Variants in ARHGAP17 observed in about 807,000 individuals in gnomAD.
ARHGAP17 encodes the protein rho GTPase-activating protein 17.
A neutral mutation model predicts 99.5 loss-of-function variants in ARHGAP17; 57 were observed. That is an observed-to-expected ratio of 0.57 (90% CI 0.46 to 0.71). The LOEUF is 0.71. ARHGAP17 is among the 30% of genes least tolerant of loss of function. ARHGAP17 has a pLI of 0.00. For synonymous variants in ARHGAP17, 417 were observed against 429.6 expected (o/e 0.97, Z 0.36); for missense variants, 1,000 against 1,122.4 (o/e 0.89, Z 1.56).
intron 6 of ARHGAP17, among the ~76,000 whole-genome samples, chr16:24,966,712 A>C (rs1305016837): frequency 6.6e-6 from 1 of 151,882 alleles, no homozygotes; most frequent in Non-Finnish European, 1.5e-5. Context: ...TGAGCCCAGG[A>C]GTTTGAGGTT....
At chr16:24,965,424 C>A (rs1189800004) in intron 6 of ARHGAP17, among the ~76,000 whole-genome samples, 1 of 152,178 alleles carries the variant, frequency 6.6e-6, no homozygotes, top group East Asian at 1.9e-4. Flanking sequence ...GAGCCCAGAC[C>A]AAGATCGCAA....
chr16:24,974,589 T>C (rs1434106972), intron 3 of ARHGAP17, among the ~76,000 whole-genome samples: 4 of 147,768 alleles, frequency 2.7e-5, no homozygotes, highest in Non-Finnish European at 3.0e-5. Context: ...TGAGCCAAGA[T>C]TTTTTTTTTT....
chr16:25,012,830 C>G (rs1367751658), intron 1 of ARHGAP17, among the ~76,000 whole-genome samples: 3 of 152,186 alleles, frequency 2.0e-5, no homozygotes, highest in Non-Finnish European at 4.4e-5. Flanking sequence ...TTTTTAAAGA[C>G]AGTCAAAGGT....
intron 19 of ARHGAP17, among the ~76,000 whole-genome samples, chr16:24,925,042 T>C (rs1248110146): frequency 1.3e-5 from 2 of 152,090 alleles, no homozygotes; most frequent in Admixed American, 6.6e-5. Flanking sequence ...CACCCAAGGA[T>C]ATACACAACT....
chr16:24,921,668 T>A (rs973210755), intron 19 of ARHGAP17, among the ~76,000 whole-genome samples: 1 of 152,174 alleles, frequency 6.6e-6, no homozygotes, highest in Non-Finnish European at 1.5e-5. Flanking sequence ...GACACCCTTT[T>A]TCTCACAGTT....
chr16:24,964,464 T>C (rs1250977340), intron 6 of ARHGAP17, among the ~76,000 whole-genome samples, 156 bp from the exon 7 acceptor site: 1 of 152,190 alleles, frequency 6.6e-6, no homozygotes, highest in Non-Finnish European at 1.5e-5. Context: ...GCTTATTCTC[T>C]AAGAATGGAA....
chr16:24,921,090 T>G (rs2050708150), intron 19 of ARHGAP17: 2 of 152,222 alleles, frequency 1.3e-5, no homozygotes, highest in South Asian at 4.1e-4. Context: ...TCAGATTCAT[T>G]TATGCATGAA....
Position 24,952,956 on chromosome 16 carries a change from G to C in ARHGAP17, c.939C>G (p.Phe313Leu). The C allele has an allele frequency of 6.2e-7, 1 of 1,614,176 alleles. No individual in the cohort carries two copies. Among genetic ancestry groups the C allele is most frequent in the Non-Finnish European group, 8.5e-7 (1 of 1,180,010 alleles). Residue 313 changes from phenylalanine to leucine, a missense_variant, in exon 11 of 20, where the codon TTC (phenylalanine) becomes TTG (leucine). By Grantham distance (22) the Phe-to-Leu change is conservative. Coordinates refer to ENST00000289968, the MANE Select transcript of ARHGAP17 (RefSeq NM_001006634.3). ...LDCSTSHLDE[F>L]YSDPHAVAGA... ...CTGCTACAGCATGGGGGTCTGAATA[G>C]AACTCATCCAGGTGAGAAGTAGAAC...
intron 1 of ARHGAP17, among the ~76,000 whole-genome samples, chr16:24,981,930 G>A (rs1001849425): frequency 2.7e-4 from 41 of 152,096 alleles, no homozygotes; most frequent in Non-Finnish European, 5.0e-4. Flanking sequence ...CTCTGCTTTA[G>A]AGGTACTTTA....
At chr16:24,946,213 TC>T (rs1377982339) in intron 14 of ARHGAP17, among the ~76,000 whole-genome samples, 1 of 151,932 alleles carries the variant, frequency 6.6e-6, no homozygotes, top group African/African-American at 2.4e-5. Context: ...AATGAATGAC[TC>T]CCCACCACCC....
chr16:24,967,479 C>G (rs796980052), intron 6 of ARHGAP17, among the ~76,000 whole-genome samples: 14 of 152,326 alleles, frequency 9.2e-5, no homozygotes, highest in African/African-American at 3.4e-4. Flanking sequence ...TCCCAACTGT[C>G]ACATGCCTGA....
chr16:24,942,103 G>T lies in ARHGAP17; in HGVS notation c.1374C>A (p.Thr458=), dbSNP rs1597380694. 6.2e-7 allele frequency: 1 copy of T among 1,613,928 alleles called. No homozygotes were observed. The highest frequency in any genetic ancestry group is 8.5e-7 in the Non-Finnish European group (1 of 1,179,972). ...FNVSEAFVPL[T]TPSSNHSFHT... ...GGAATGAGTGATTAGAACTCGGGGT[G>T]GTGAGAGGTACAAATGCTTCTGATA... is the stretch of plus-strand genomic sequence containing the variant. Residue 458 remains threonine, a synonymous_variant, in exon 16 of 20, where the codon ACC becomes ACA. Transcript: ENST00000289968.
rs377211625 is a variant in ARHGAP17, at chr16:24,931,377, G to A, written c.1922C>T (p.Pro641Leu). 7 of 1,513,588 alleles carry A rather than the reference G, an allele frequency of 4.6e-6. No individual in the cohort carries two copies. The African/African-American group carries it at 7.0e-5, about 15-fold the overall frequency. The allele number at this position is 1,513,588 out of a possible 1,614,324, so 93.8% of individuals were successfully genotyped here. The change falls in exon 19 of 20, where the codon CCG becomes CTG. Residue 641 changes from proline to leucine, a missense_variant. This residue lies in a region of ARHGAP17 where 528 missense variants were observed against 511.4 expected (regional missense o/e 1.03). Transcript: ENST00000289968. ...RAVKKPAPAP[P>L]KPGNPPPGHP... is the part of the protein sequence containing the mutation. The stretch of plus-strand genomic sequence containing the variant: ...GCCAGGAGGTGGGTTGCCCGGTTTC[G>A]GGGGTGCTGGAGCGGGTTTTTTAAC...
chr16:24,953,074 T>C (rs1451043398), intron 10 of ARHGAP17, 32 bp from the exon 11 acceptor site: 3 of 1,605,382 alleles, frequency 1.9e-6, no homozygotes, highest in Non-Finnish European at 2.6e-6. Context: ...CAGCATCAAG[T>C]GCAGGTTGGG....
intron 6 of ARHGAP17, among the ~76,000 whole-genome samples, chr16:24,967,808 G>GA (rs1182936204): frequency 4.8e-5 from 7 of 146,318 alleles, no homozygotes; most frequent in African/African-American, 1.5e-4. Context: ...GAAAAGGAAA[G>GA]AAAAAAAAGC....
intron 7 of ARHGAP17, among the ~76,000 whole-genome samples, chr16:24,963,915 TTA>T (rs1423182796): frequency 1.3e-5 from 2 of 152,210 alleles, no homozygotes; most frequent in African/African-American, 4.8e-5. Context: ...TGTAATTTTA[TTA>T]TATGTTTTGC....
At chr16:24,925,326 C>T (rs1056454349) in intron 19 of ARHGAP17, among the ~76,000 whole-genome samples, 3 of 152,196 alleles carry the variant, frequency 2.0e-5, no homozygotes, top group African/African-American at 4.8e-5. Context: ...TTGCCGTGTG[C>T]CAAGATTGCA....
chr16:24,949,589 T>C (rs1421514399), intron 12 of ARHGAP17, 105 bp from the exon 13 acceptor site: 6 of 897,228 alleles, frequency 6.7e-6, no homozygotes, highest in Non-Finnish European at 1.0e-5. Context: ...GAAAGCACAG[T>C]TGGAAAACAG....
chr16:24,921,599 T>C (rs4788440), intron 19 of ARHGAP17, among the ~76,000 whole-genome samples: 36,758 of 152,068 alleles, frequency 0.24, 9,303 homozygotes, highest in African/African-American at 0.65. Flanking sequence ...TTCCAGCTCC[T>C]ACCCCTTCCA....
Sources: allele counts gnomAD v4.1 joint callset (sites outside exome capture counted in the v4.1 genomes callset), GRCh38; gene constraint gnomAD v4.1.1; regional missense constraint gnomAD v4.1.1; transcripts MANE v1.5; gene names NCBI Gene and HGNC (gene_info 2026-07-23, HGNC 2026-07-21).